Variants in CORO2B observed in about 807,000 individuals in gnomAD.
The protein encoded by CORO2B is coronin-2B.
In CORO2B, 26 loss-of-function variants were observed where a neutral mutation model predicts 58.8. That is an observed-to-expected ratio of 0.44 (90% CI 0.32 to 0.61). The LOEUF (loss-of-function observed/expected upper bound fraction) is 0.61. Among genes scored for constraint, CORO2B ranks in the 20% least tolerant of loss-of-function variants. CORO2B has a pLI of 0.04. For missense variants in CORO2B, 460 were observed against 645.1 expected, an observed-to-expected ratio of 0.71 and a Z score of 3.11; for synonymous variants, 242 against 253.8, an observed-to-expected ratio of 0.95 and a Z score of 0.44.
At chr15:68,574,589 G>A (rs1165005519), upstream of CORO2B, among the ~76,000 whole-genome samples, 1 of 151,804 alleles carries the variant, frequency 6.6e-6, no homozygotes, top group East Asian at 1.9e-4. Context: ...ATAGGGACCT[G>A]GACTTGAATC....
At chr15:68,611,683 T>C (rs796819948) in intron 1 of CORO2B, among the ~76,000 whole-genome samples, 14 of 152,326 alleles carry the variant, frequency 9.2e-5, no homozygotes, top group African/African-American at 3.1e-4. Flanking sequence ...ATGATTTTTA[T>C]GCCTATATAA....
rs1258639250 is a variant in CORO2B, at chr15:68,645,778, A to C, written c.216+418A>C. Among the ~76,000 whole-genome samples the C allele has an allele frequency of 6.6e-6, 1 of 150,554 alleles. No homozygotes were observed. The highest frequency in any genetic ancestry group is 2.5e-5 in the African/African-American group (1 of 40,408). ...CATTGAGCATCTGCAAAAATTATACAATTTTTTTTTTTTGAGATGGAGTCT... is the reference window on the plus strand; with the variant it reads ...CATTGAGCATCTGCAAAAATTATACCATTTTTTTTTTTTGAGATGGAGTCT... On this transcript the variant is annotated intron_variant, in intron 2 of 11. Coordinates refer to ENST00000261861, the MANE Select transcript of CORO2B (RefSeq NM_006091.5). The surrounding 1 kb of genome is among the most constrained non-coding windows in gnomAD (Gnocchi z 4.5).
Position 68,594,433 on chromosome 15 carries a change from C to T in CORO2B, c.15+15156C>T, listed in dbSNP as rs1899778671. On this transcript the variant is annotated intron_variant, in intron 1 of 11. Transcript: ENST00000261861. ...GCTCTCCAGCTCTCACCAGGTTCCC[C>T]AGCCCAGGTGAGCAGCCCTGGCAGG... is the stretch of plus-strand genomic sequence containing the variant. Among the ~76,000 whole-genome samples, 3 of 152,226 alleles carry T rather than the reference C, an allele frequency of 2.0e-5. No homozygotes were observed. The South Asian group carries it at 6.2e-4, about 32-fold the overall frequency.
intron 1 of CORO2B, among the ~76,000 whole-genome samples, chr15:68,596,634 GCTGGAGGC>G (rs1328703969): frequency 3.3e-5 from 5 of 152,160 alleles, no homozygotes; most frequent in Non-Finnish European, 7.4e-5. Context: ...GAAGGATAAG[GCTGGAGGC>G]CTGGAGCCCA....
At chr15:68,722,160 G>A (rs1352773063) in intron 11 of CORO2B, among the ~76,000 whole-genome samples, 1 of 152,166 alleles carries the variant, frequency 6.6e-6, no homozygotes, top group Admixed American at 6.5e-5. Flanking sequence ...TCTGGCACTG[G>A]GTCTGGAGAA....
intron 2 of CORO2B, among the ~76,000 whole-genome samples, chr15:68,658,599 C>G (rs941242890): frequency 6.6e-6 from 1 of 152,248 alleles, no homozygotes; most frequent in Non-Finnish European, 1.5e-5. Flanking sequence ...GATACACAGC[C>G]CTAGGTCCAC....
intron 1 of CORO2B, among the ~76,000 whole-genome samples, chr15:68,595,412 G>A (rs1899800996): frequency 6.6e-6 from 1 of 152,222 alleles, no homozygotes. Flanking sequence ...CCATGACAGT[G>A]GGATACGCCT....
intron 3 of CORO2B, among the ~76,000 whole-genome samples, chr15:68,696,791 C>T (rs1892522822): frequency 6.6e-6 from 1 of 152,142 alleles, no homozygotes; most frequent in South Asian, 2.1e-4. Flanking sequence ...GTGAGGAGGG[C>T]CTGGTGTTCC....
chr15:68,619,477 G>A (rs544756172), intron 1 of CORO2B, among the ~76,000 whole-genome samples: 98 of 152,246 alleles, frequency 6.4e-4, no homozygotes, highest in Admixed American at 1.1e-3. Context: ...GGCTTCTGTC[G>A]TGGTGCTGGT....
At chr15:68,669,034 C>T (rs756288580) in intron 2 of CORO2B, among the ~76,000 whole-genome samples, 7 of 149,692 alleles carry the variant, frequency 4.7e-5, no homozygotes, top group Non-Finnish European at 8.9e-5. Flanking sequence ...GCCAAGACCA[C>T]ACCACTGCAC....
chr15:68,658,453 C>A (rs1901901040), intron 2 of CORO2B, among the ~76,000 whole-genome samples: 1 of 152,260 alleles, frequency 6.6e-6, no homozygotes, highest in Non-Finnish European at 1.5e-5. Context: ...GGCCAGATAA[C>A]AACCTGGGTA....
At chr15:68,672,531 G>A (rs67888371) in intron 2 of CORO2B, among the ~76,000 whole-genome samples, 29,638 of 151,864 alleles carry the variant, frequency 0.2, 3,314 homozygotes, top group Non-Finnish European at 0.25. Flanking sequence ...CTCTTATCTC[G>A]GCCTTCCAAA....
chr15:68,531,550 AGG>A, the CORO2B span, among the ~76,000 whole-genome samples: 52 of 56,844 alleles, frequency 9.1e-4, no homozygotes, highest in South Asian at 7.4e-3. Flanking sequence ...GAAGGAAGGA[AGG>A]AAGGAAAGAA....
intron 1 of CORO2B, among the ~76,000 whole-genome samples, chr15:68,641,004 C>A (rs1901200402): frequency 6.6e-6 from 1 of 152,126 alleles, no homozygotes; most frequent in African/African-American, 2.4e-5. Flanking sequence ...GCTCCACGCC[C>A]AGGGTTGTGG....
At chr15:68,725,232 G>A (rs546571516) in intron 11 of CORO2B, among the ~76,000 whole-genome samples, 1 of 152,076 alleles carries the variant, frequency 6.6e-6, no homozygotes, top group Non-Finnish European at 1.5e-5. Context: ...ATCCAGGCAT[G>A]GTGGCACATG....
chr15:68,634,757 A>C (rs547515956), intron 1 of CORO2B, among the ~76,000 whole-genome samples: 1 of 152,348 alleles, frequency 6.6e-6, no homozygotes, highest in African/African-American at 2.4e-5. Context: ...AAGTTTGAGA[A>C]GCACTGAGCT....
the CORO2B span, among the ~76,000 whole-genome samples, chr15:68,524,167 C>T: frequency 6.6e-6 from 1 of 151,958 alleles, no homozygotes; most frequent in Non-Finnish European, 1.5e-5. Flanking sequence ...TGGCAGTGAA[C>T]CATAATTGCA....
intron 2 of CORO2B, among the ~76,000 whole-genome samples, chr15:68,670,558 T>G (rs781285211): frequency 1.2e-4 from 19 of 152,162 alleles, no homozygotes; most frequent in Non-Finnish European, 2.6e-4. Flanking sequence ...AAGGAACTAA[T>G]ACACAGAATT....
At chr15:68,679,713 A>G (rs1307574266) in intron 2 of CORO2B, among the ~76,000 whole-genome samples, 1 of 152,152 alleles carries the variant, frequency 6.6e-6, no homozygotes, top group Non-Finnish European at 1.5e-5. Context: ...TCGGAGTGCA[A>G]TATGTTCCTT....
Sources: gnomAD v4.1 joint callset for allele counts (sites outside exome capture counted in the v4.1 genomes callset) on GRCh38, gnomAD v4.1.1 for gene constraint, Gnocchi (gnomAD v3.1) non-coding constraint, MANE v1.5 for transcripts, NCBI Gene and HGNC (gene_info 2026-07-23, HGNC 2026-07-21) for gene names.